ACTR3C: variants seen among roughly 807,000 people sequenced by gnomAD.
ACTR3C encodes actin related protein 3C.
Under a neutral mutation model 26.3 loss-of-function variants are expected in ACTR3C, and 18 were observed. The observed-to-expected ratio is 0.68, with a 90% CI of 0.47 to 1.01. The LOEUF is 1.01. Ranked by LOEUF, ACTR3C falls within the 50% of genes least tolerant of loss-of-function variation. ACTR3C has a pLI of 0.00. For synonymous variants in ACTR3C, 55 were observed against 94.5 expected (o/e 0.58, Z 2.42); for missense variants, 184 against 250.7 (o/e 0.73, Z 1.80).
At chr7:150,243,761 CAA>C (rs981739672), downstream of ACTR3C, among the ~76,000 whole-genome samples, 1 of 151,800 alleles carries the variant, frequency 6.6e-6, no homozygotes, top group Non-Finnish European at 1.5e-5. Flanking sequence ...TAGGGAAATA[CAA>C]AAAAAGTCTG....
chr7:150,193,392 AT>A, the ACTR3C span, among the ~76,000 whole-genome samples: 1 of 140,162 alleles, frequency 7.1e-6, no homozygotes, highest in Non-Finnish European at 1.5e-5. Flanking sequence ...GATTTTCTCT[AT>A]TGATTTTTTA....
At chr7:150,015,537 C>T in the ACTR3C span, among the ~76,000 whole-genome samples, 36 of 152,122 alleles carry the variant, frequency 2.4e-4, no homozygotes, top group Admixed American at 6.6e-5. Context: ...CAGAAAGACA[C>T]GTTCCCTTTT....
At chr7:149,914,034 T>G in the ACTR3C span, among the ~76,000 whole-genome samples, 2 of 151,890 alleles carry the variant, frequency 1.3e-5, no homozygotes, top group East Asian at 2.0e-4. Flanking sequence ...CACAGGCACA[T>G]GCCATCACAC....
intron 6 of ACTR3C, among the ~76,000 whole-genome samples, chr7:150,284,216 G>A (rs1266241599): frequency 6.6e-6 from 1 of 152,122 alleles, no homozygotes; most frequent in African/African-American, 2.4e-5. Context: ...TATCTTGTCA[G>A]ATAAAAATAA....
chr7:150,143,262 C>A, the ACTR3C span, among the ~76,000 whole-genome samples: 11,735 of 149,098 alleles, frequency 0.079, 1,547 homozygotes, highest in African/African-American at 0.27. Context: ...CATCTCCTTG[C>A]ATAATCAAAA....
the ACTR3C span, among the ~76,000 whole-genome samples, chr7:150,105,139 G>A: frequency 6.4e-3 from 945 of 148,580 alleles, 15 homozygotes; most frequent in African/African-American, 0.023. Context: ...CCAGACTGCA[G>A]TGGCGCTATC....
chr7:150,085,375 T>A, the ACTR3C span, among the ~76,000 whole-genome samples: 1 of 151,642 alleles, frequency 6.6e-6, no homozygotes, highest in Admixed American at 6.6e-5. Flanking sequence ...ACAGAACCGG[T>A]TGAGGAAATG....
the ACTR3C span, among the ~76,000 whole-genome samples, chr7:150,049,556 G>A: frequency 1.3e-5 from 2 of 152,240 alleles, no homozygotes; most frequent in Admixed American, 1.3e-4. Flanking sequence ...AGGCTCGGCC[G>A]CCACGCACAA....
the ACTR3C span, among the ~76,000 whole-genome samples, chr7:150,087,124 C>G: frequency 7.3e-6 from 1 of 136,282 alleles, no homozygotes; most frequent in South Asian, 2.4e-4. Context: ...CCTGTTTTAA[C>G]TATATTTGGT....
intron 2 of ACTR3C, among the ~76,000 whole-genome samples, 157 bp downstream of exon 2, chr7:150,295,095 C>G (rs2261646): frequency 0.28 from 42,734 of 150,858 alleles, 9,016 homozygotes; most frequent in African/African-American, 0.59. Context: ...CATGGGACAC[C>G]TTCCCTATAG....
the ACTR3C span, among the ~76,000 whole-genome samples, chr7:150,091,354 G>T: frequency 8.1e-5 from 5 of 62,008 alleles, no homozygotes; most frequent in African/African-American, 2.7e-4. Flanking sequence ...GGTCAGGCTA[G>T]AGCAGCAGAG....
chr7:150,312,516 C>T (rs1796414731), intron 1 of ACTR3C, among the ~76,000 whole-genome samples: 1 of 152,144 alleles, frequency 6.6e-6, no homozygotes, highest in Non-Finnish European at 1.5e-5. Flanking sequence ...AAACTCATCG[C>T]CACCTACATT....
chr7:150,278,676 G>A (rs1835082160), intron 6 of ACTR3C, among the ~76,000 whole-genome samples: 1 of 152,230 alleles, frequency 6.6e-6, no homozygotes, highest in African/African-American at 2.4e-5. Context: ...GCAAGTCAAT[G>A]TCCAATTTCC....
the ACTR3C span, among the ~76,000 whole-genome samples, chr7:150,052,876 A>T: frequency 1.0e-5 from 1 of 99,138 alleles, no homozygotes; most frequent in African/African-American, 3.4e-5. Context: ...CCACTTTCTA[A>T]CTACCTTTCT....
chr7:150,304,769 T>TATATACATATA (rs1563201050), intron 1 of ACTR3C, among the ~76,000 whole-genome samples: 42 of 151,262 alleles, frequency 2.8e-4, no homozygotes, highest in Non-Finnish European at 5.7e-4. Context: ...TTCTACCTCC[T>TATATACATATA]GTATATCTCT....
the ACTR3C span, among the ~76,000 whole-genome samples, chr7:150,011,181 G>C: frequency 6.6e-6 from 1 of 152,342 alleles, no homozygotes; most frequent in Admixed American, 6.5e-5. Flanking sequence ...TGGATTCCAA[G>C]GTCTTTGGGA....
the ACTR3C span, among the ~76,000 whole-genome samples, chr7:150,201,635 G>A: frequency 4.1e-3 from 627 of 151,584 alleles, 4 homozygotes; most frequent in African/African-American, 0.014. Context: ...GTAGGCACCT[G>A]TAATCCCAGC....
the ACTR3C span, among the ~76,000 whole-genome samples, chr7:150,097,265 T>G: frequency 4.1e-3 from 622 of 151,936 alleles, 10 homozygotes; most frequent in South Asian, 8.3e-3. Context: ...TGAGCCTGGC[T>G]AAACTGATAT....
At chr7:150,233,581 C>T in the ACTR3C span, among the ~76,000 whole-genome samples, 1 of 151,912 alleles carries the variant, frequency 6.6e-6, no homozygotes, top group African/African-American at 2.4e-5. Context: ...TTCAAGCTTA[C>T]TCATTCTTTC....
Sources: allele counts gnomAD v4.1 joint callset (sites outside exome capture counted in the v4.1 genomes callset), GRCh38; gene constraint gnomAD v4.1.1; transcripts MANE v1.5; gene names NCBI Gene and HGNC (gene_info 2026-07-23, HGNC 2026-07-21).